The following AKR1C8 variants were observed in gnomAD, a reference collection of about 807,000 sequenced individuals.
AKR1C8 encodes the protein aldo-keto reductase family 1 member C8.
the AKR1C8 span, among the ~76,000 whole-genome samples, chr10:5,136,558 C>T: frequency 1.3e-5 from 2 of 152,240 alleles, no homozygotes; most frequent in East Asian, 1.9e-4. Context: ...TGAATCCACA[C>T]CAATATCTGT....
At chr10:5,182,411 C>G in the AKR1C8 span, among the ~76,000 whole-genome samples, 1 of 152,104 alleles carries the variant, frequency 6.6e-6, no homozygotes, top group Non-Finnish European at 1.5e-5. Flanking sequence ...GGTTCCTAAC[C>G]TATAATAAAT....
the AKR1C8 span, among the ~76,000 whole-genome samples, chr10:5,149,943 A>G: frequency 6.6e-6 from 1 of 151,736 alleles, no homozygotes; most frequent in Non-Finnish European, 1.5e-5. Flanking sequence ...AAGCTATAAA[A>G]ACAGCTCAAA....
chr10:5,155,973 G>A, the AKR1C8 span, among the ~76,000 whole-genome samples: 4 of 151,776 alleles, frequency 2.6e-5, no homozygotes, highest in African/African-American at 9.7e-5. Flanking sequence ...TCTCCTACTG[G>A]GCTCCACTTC....
At chr10:5,163,299 A>G in the AKR1C8 span, among the ~76,000 whole-genome samples, 1 of 152,344 alleles carries the variant, frequency 6.6e-6, no homozygotes, top group Admixed American at 6.5e-5. Flanking sequence ...AACATATTAG[A>G]CACACCTTAT....
At chr10:5,163,713 A>G in the AKR1C8 span, among the ~76,000 whole-genome samples, 4 of 152,218 alleles carry the variant, frequency 2.6e-5, no homozygotes, top group Non-Finnish European at 5.9e-5. Context: ...ACAGATAAGG[A>G]AACTTCCACA....
the AKR1C8 span, among the ~76,000 whole-genome samples, chr10:5,146,430 G>T: frequency 2.1e-3 from 324 of 152,158 alleles, no homozygotes; most frequent in Non-Finnish European, 2.6e-3. Flanking sequence ...AAAAAAATTA[G>T]CTCAGGTATT....
At chr10:5,176,147 T>C in the AKR1C8 span, among the ~76,000 whole-genome samples, 1 of 151,640 alleles carries the variant, frequency 6.6e-6, no homozygotes, top group African/African-American at 2.4e-5. Flanking sequence ...CTTGAATTAA[T>C]TTTTGTGTAA....
chr10:5,121,715 G>A, the AKR1C8 span, among the ~76,000 whole-genome samples: 1 of 151,870 alleles, frequency 6.6e-6, no homozygotes, highest in Non-Finnish European at 1.5e-5. Context: ...GAGGGACCAG[G>A]TTTGAGTCAT....
the AKR1C8 span, among the ~76,000 whole-genome samples, chr10:5,117,005 G>A: frequency 4.6e-5 from 7 of 152,130 alleles, no homozygotes; most frequent in South Asian, 2.1e-4. Flanking sequence ...GTAGAATTCT[G>A]ATGTTAGTTC....
the AKR1C8 span, among the ~76,000 whole-genome samples, chr10:5,125,307 T>C: frequency 3.9e-5 from 6 of 152,284 alleles, no homozygotes; most frequent in East Asian, 5.8e-4. Context: ...GAGGTCATTA[T>C]TGGTACTTCC....
the AKR1C8 span, among the ~76,000 whole-genome samples, chr10:5,120,613 G>A: frequency 2.6e-5 from 4 of 152,068 alleles, no homozygotes; most frequent in Non-Finnish European, 5.9e-5. Context: ...AGTAAGACAA[G>A]TCTAAACACT....
the AKR1C8 span, chr10:5,160,906 A>C: frequency 2.1e-6 from 1 of 471,036 alleles, no homozygotes. Flanking sequence ...AATAGAAAAG[A>C]AGATAAAGAA....
the AKR1C8 span, among the ~76,000 whole-genome samples, chr10:5,116,012 T>C: frequency 1.3e-5 from 2 of 152,198 alleles, no homozygotes; most frequent in Non-Finnish European, 2.9e-5. Context: ...CATGTTTTTT[T>C]CCTGGTGGAG....
chr10:5,179,518 G>T, the AKR1C8 span, among the ~76,000 whole-genome samples: 1 of 152,034 alleles, frequency 6.6e-6, no homozygotes, highest in Non-Finnish European at 1.5e-5. Context: ...GAATCTGAAT[G>T]TTGGCCTGCC....
chr10:5,178,175 T>C, the AKR1C8 span, among the ~76,000 whole-genome samples: 1 of 152,336 alleles, frequency 6.6e-6, no homozygotes, highest in South Asian at 2.1e-4. Context: ...TTCTGGTATG[T>C]TGTGTCTTTG....
At chr10:5,168,465 G>A in the AKR1C8 span, among the ~76,000 whole-genome samples, 35 of 152,046 alleles carry the variant, frequency 2.3e-4, no homozygotes, top group African/African-American at 7.2e-4. Context: ...TGATAGTCAT[G>A]GTACCACTAC....
At chr10:5,157,058 A>T in the AKR1C8 span, among the ~76,000 whole-genome samples, 1 of 152,322 alleles carries the variant, frequency 6.6e-6, no homozygotes, top group African/African-American at 2.4e-5. Flanking sequence ...CTAGTTTCAT[A>T]CCTGCTAGAG....
chr10:5,159,404 A>T, the AKR1C8 span, among the ~76,000 whole-genome samples: 1 of 152,122 alleles, frequency 6.6e-6, no homozygotes, highest in Non-Finnish European at 1.5e-5. Context: ...CGAAACTTTC[A>T]CTGGATTCCT....
chr10:5,139,717 A>C, the AKR1C8 span, among the ~76,000 whole-genome samples: 1 of 152,196 alleles, frequency 6.6e-6, no homozygotes, highest in Admixed American at 6.5e-5. Context: ...AACCTAGGCA[A>C]TACCATTCAG....
Sources: gnomAD v4.1 joint callset for allele counts (sites outside exome capture counted in the v4.1 genomes callset) on GRCh38, gnomAD v4.1.1 for gene constraint, MANE v1.5 for transcripts, NCBI Gene and HGNC (gene_info 2026-07-23, HGNC 2026-07-21) for gene names.